The following CD1A variants were observed in gnomAD, a reference collection of about 807,000 sequenced individuals.
The protein encoded by CD1A is CD1a molecule.
Under a neutral mutation model 38.3 loss-of-function variants are expected in CD1A, and 50 were observed. The observed-to-expected ratio is 1.30, with a 90% CI of 1.04 to 1.65. CD1A has a LOEUF of 1.65. CD1A is among the 40% of genes most tolerant of loss of function. The pLI, the probability that CD1A is intolerant of heterozygous loss-of-function variation, is 0.00. For synonymous variants in CD1A, 160 were observed against 150.8 expected (o/e 1.06, Z -0.45); for missense variants, 459 against 406.1 (o/e 1.13, Z -1.12).
In CD1A at chr1:158,254,785, C is replaced by CTCTGTGTG. The variant is rs1396530514; in HGVS notation, c.58+59_58+60insCTGTGTGT. 4.6e-4 allele frequency: 316 copies of CTCTGTGTG among 684,430 alleles called. No homozygotes were observed. The South Asian group carries it at 5.4e-3, about 12-fold the overall frequency. The allele number at this position is 684,430 out of a possible 1,614,324, so 42.4% of individuals were successfully genotyped here. On this transcript the variant is annotated intron_variant, in intron 1 of 5. Transcript: ENST00000289429. The stretch of plus-strand genomic sequence containing the variant: ...TGGGTGAAGGTCTCTCTCTCTCTCT[C>CTCTGTGTG]TGTGTGTGTGTGTGTGTGTGTGTGT...
Position 158,255,334 on chromosome 1 carries a change from T to A in CD1A, c.309T>A (p.His103Gln). 6.2e-7 allele frequency: 1 copy of A among 1,613,894 alleles called. No individual in the cohort carries two copies. The highest frequency in any genetic ancestry group is 8.5e-7 in the Non-Finnish European group (1 of 1,179,792). Residue 103 changes from histidine (H) to glutamine (Q), a missense_variant, in exon 2 of 6, where the codon CAT becomes CAA. Physicochemically the swap from His to Gln is conservative, Grantham distance 24. Transcript: ENST00000289429. ...TTGAGGGAATTCGTAGATACGCCCATGAATTGCAGTTTGAATGTGAGTTCA... is the reference window on the plus strand; with the variant it reads ...TTGAGGGAATTCGTAGATACGCCCAAGAATTGCAGTTTGAATGTGAGTTCA... Reference protein sequence around the residue: ...RSFEGIRRYAHELQFEYPFEI... With the variant: ...RSFEGIRRYAQELQFEYPFEI...
upstream of CD1A, among the ~76,000 whole-genome samples, chr1:158,250,543 C>G (rs559092016): frequency 6.6e-6 from 1 of 152,248 alleles, no homozygotes; most frequent in Non-Finnish European, 1.5e-5. Flanking sequence ...AAAATTTTGC[C>G]TCTTTCAGAC....
At chr1:158,257,146 G>A in intron 4 of CD1A, 82 bp downstream of exon 4, 1 of 1,486,846 alleles carries the variant, frequency 6.7e-7, no homozygotes, top group Non-Finnish European at 9.0e-7. Flanking sequence ...AAAATTTTAG[G>A]ATTTTAGGGA....
Position 158,256,083 on chromosome 1 carries a change from T to A in CD1A, c.405T>A (p.Tyr135Ter), listed in dbSNP as rs1412866570. ...CAGGAAGCTTCTTGCAGTTAGCTTATCAAGGATCAGACTTTGTGAGCTTCC... is the reference window on the plus strand; with the variant it reads ...CAGGAAGCTTCTTGCAGTTAGCTTAACAAGGATCAGACTTTGTGAGCTTCC... The part of the protein sequence containing the change: ...KVSGSFLQLA[Y>*]QGSDFVSFQN... The change falls in exon 3 of 6, where the codon TAT (tyrosine) becomes TAA (stop). Residue 135 changes from tyrosine to a stop codon, truncating the protein, a stop_gained. Coordinates refer to ENST00000289429, the MANE Select transcript of CD1A (RefSeq NM_001763.3). LOFTEE classifies it high-confidence loss of function. The A allele has an allele frequency of 6.2e-7, 1 of 1,614,076 alleles. No individual in the cohort carries two copies. Among genetic ancestry groups the A allele is most frequent in the Admixed American group, 1.7e-5 (1 of 60,006 alleles).
intron 2 of CD1A, 87 bp downstream of exon 2, chr1:158,255,437 C>A: frequency 7.4e-7 from 1 of 1,352,876 alleles, no homozygotes; most frequent in Non-Finnish European, 1.0e-6. Context: ...AACAGCCTGA[C>A]TCTCTTCTGT....
At chr1:158,253,784 C>T (rs1394836329), upstream of CD1A, among the ~76,000 whole-genome samples, 3 of 152,026 alleles carry the variant, frequency 2.0e-5, no homozygotes, top group African/African-American at 4.8e-5. Flanking sequence ...TTGTTTTTAT[C>T]CAGAGAGTGT....
At chr1:158,256,325 T>A (rs759468314) in intron 3 of CD1A, 43 bp downstream of exon 3, 2 of 1,565,642 alleles carry the variant, frequency 1.3e-6, no homozygotes, top group East Asian at 2.2e-5. Context: ...GATTTGAAAA[T>A]CATACCCTTC....
upstream of CD1A, chr1:158,254,213 G>A: frequency 9.9e-7 from 1 of 1,014,970 alleles, no homozygotes; most frequent in Non-Finnish European, 1.2e-6. Flanking sequence ...AGGGGCTGAA[G>A]AGACAGGGGA....
In CD1A at chr1:158,257,711, G is replaced by A. The variant is rs564899214; in HGVS notation, c.*21G>A. On this transcript the variant is annotated 3_prime_UTR_variant, in exon 6 of 6. Transcript: ENST00000289429. ...GTTAAGACACACCATGAGCCTCCTCGTCACCCTTCTCCTTTTGGGGTGAGA... is the reference window on the plus strand; with the variant it reads ...GTTAAGACACACCATGAGCCTCCTCATCACCCTTCTCCTTTTGGGGTGAGA... The A allele has an allele frequency of 5.3e-4, 848 of 1,612,810 alleles. 11 individuals are homozygous for A. In the South Asian group the frequency reaches 8.4e-3, roughly 16 times the overall value.
chr1:158,252,933 TA>T (rs1329606413), upstream of CD1A, among the ~76,000 whole-genome samples: 1 of 149,766 alleles, frequency 6.7e-6, no homozygotes, highest in South Asian at 2.1e-4. Context: ...AAAAAACAAA[TA>T]AAAAAATTAT....
In CD1A at chr1:158,257,444, A is replaced by G. The variant is rs770244982; in HGVS notation, c.907A>G (p.Ile303Val). The change falls in exon 5 of 6, where the codon ATC becomes GTC. Residue 303 changes from isoleucine (I) to valine (V), a missense_variant. Transcript: ENST00000289429. ...AGAGCATCACAGTTCCGTGGGCTTC[A>G]TCATCTTGGCGGTGATAGTGCCTTT... ...YWEHHSSVGF[I>V]ILAVIVPLLL... is the part of the protein sequence containing the mutation. 1.9e-6 allele frequency: 3 copies of G among 1,614,142 alleles called. No individual in the cohort carries two copies. The highest frequency in any genetic ancestry group is 2.5e-6 in the Non-Finnish European group (3 of 1,179,966).
chr1:158,248,390 T>C, the CD1A span: 2 of 985,324 alleles, frequency 2.0e-6, no homozygotes, highest in Admixed American at 1.2e-4. Flanking sequence ...AGGAGCCATG[T>C]TTGCGTTTGG....
chr1:158,257,215 G>T, intron 4 of CD1A, 151 bp downstream of exon 4: 1 of 1,126,244 alleles, frequency 8.9e-7, no homozygotes, highest in East Asian at 2.5e-5. Context: ...TTGAAAATGA[G>T]GGCCCTGTAG....
At chr1:158,251,037 A>G (rs567085803), upstream of CD1A, among the ~76,000 whole-genome samples, 2 of 152,346 alleles carry the variant, frequency 1.3e-5, no homozygotes, top group Non-Finnish European at 2.9e-5. Flanking sequence ...ATAGCCTACT[A>G]TTGGCTGGAA....
upstream of CD1A, among the ~76,000 whole-genome samples, chr1:158,249,994 C>T (rs1164639755): frequency 2.6e-5 from 4 of 152,214 alleles, no homozygotes; most frequent in Non-Finnish European, 5.9e-5. Context: ...GAAAGCATGT[C>T]GTCCTGATCT....
upstream of CD1A, among the ~76,000 whole-genome samples, chr1:158,250,333 T>C (rs1286247153): frequency 1.3e-5 from 2 of 151,994 alleles, no homozygotes; most frequent in African/African-American, 4.8e-5. Flanking sequence ...CTCACACAAG[T>C]TTTTTTTGGC....
At position 158,257,480 on chromosome 1, in the gene CD1A, A is replaced by G; in HGVS notation, c.943A>G (p.Ile315Val). 2 of 1,614,024 alleles carry G rather than the reference A, an allele frequency of 1.2e-6. No homozygotes were observed. The highest frequency in any genetic ancestry group is 1.1e-5 in the South Asian group (1 of 91,066). ...LAVIVPLLLLIGLALWFRKRC... is the reference protein window; with the variant it reads ...LAVIVPLLLLVGLALWFRKRC... ...GGTGATAGTGCCTTTACTTCTTCTG[A>G]TAGGTCTTGCGCTTTGGTTCAGGAA... Residue 315 changes from isoleucine (I) to valine (V), a missense_variant, in exon 5 of 6, where the codon ATA becomes GTA. Coordinates refer to ENST00000289429, the MANE Select transcript of CD1A (RefSeq NM_001763.3).
At chr1:158,248,541 T>G in the CD1A span, 78 of 355,142 alleles carry the variant, frequency 2.2e-4, no homozygotes, top group African/African-American at 1.6e-3. Context: ...CTGGGACACC[T>G]GTCTGATTGA....
chr1:158,252,321 C>T (rs895118339), upstream of CD1A, among the ~76,000 whole-genome samples: 8 of 152,110 alleles, frequency 5.3e-5, no homozygotes, highest in African/African-American at 7.2e-5. Flanking sequence ...GAGACTGATG[C>T]GAATTTCCCT....
Sources: gnomAD v4.1 joint callset for allele counts (sites outside exome capture counted in the v4.1 genomes callset) on GRCh38, gnomAD v4.1.1 for gene constraint, MANE v1.5 for transcripts, NCBI Gene and HGNC (gene_info 2026-07-23, HGNC 2026-07-21) for gene names.